The following SEPTIN7 variants were observed in gnomAD, a reference collection of about 807,000 sequenced individuals.
SEPTIN7 encodes septin-7.
SEPTIN7 carries 10 observed loss-of-function variants against 63.3 expected under a neutral mutation model. The observed-to-expected ratio is 0.16, with a 90% CI of 0.10 to 0.27. The LOEUF is 0.27. Among genes scored for constraint, SEPTIN7 ranks in the 10% least tolerant of loss-of-function variants. SEPTIN7 has a pLI of 1.00. For missense variants in SEPTIN7, 310 were observed against 521.0 expected (o/e 0.59, Z 3.94); for synonymous variants, 131 against 165.3 (o/e 0.79, Z 1.59).
chr7:35,898,611 T>G, intron 12 of SEPTIN7: 1 of 357,360 alleles, frequency 2.8e-6, no homozygotes, highest in Non-Finnish European at 5.1e-6. Context: ...TAGGACAGTG[T>G]AATAGAATAC....
intron 6 of SEPTIN7, among the ~76,000 whole-genome samples, chr7:35,876,529 A>T (rs967171336): frequency 3.3e-5 from 5 of 152,216 alleles, no homozygotes; most frequent in Admixed American, 6.5e-5. Context: ...AAAACTTAAA[A>T]TTTTTTTTCA....
chr7:35,880,191 C>CTT (rs1378320696), intron 7 of SEPTIN7, among the ~76,000 whole-genome samples: 6 of 112,600 alleles, frequency 5.3e-5, no homozygotes, highest in African/African-American at 2.0e-4. Flanking sequence ...TTTCTTTTTT[C>CTT]TTTTCTCTTT....
chr7:35,835,056 TG>T (rs1784014348), intron 3 of SEPTIN7, among the ~76,000 whole-genome samples: 1 of 152,116 alleles, frequency 6.6e-6, no homozygotes, highest in Non-Finnish European at 1.5e-5. Flanking sequence ...CTTGCTTGAG[TG>T]ACTTATTTGT....
At chr7:35,830,124 A>T (rs999946115) in intron 1 of SEPTIN7, among the ~76,000 whole-genome samples, 32 of 152,018 alleles carry the variant, frequency 2.1e-4, no homozygotes, top group African/African-American at 7.2e-4. Flanking sequence ...AAGAGGTTGC[A>T]GTGAGCCGAG....
chr7:35,844,020 T>C (rs1784535698), intron 3 of SEPTIN7, among the ~76,000 whole-genome samples: 1 of 152,216 alleles, frequency 6.6e-6, no homozygotes, highest in East Asian at 1.9e-4. Flanking sequence ...ACATAAAGGA[T>C]GAGCTCTTTC....
chr7:35,852,085 G>A (rs1186895494), intron 3 of SEPTIN7, among the ~76,000 whole-genome samples: 3 of 152,118 alleles, frequency 2.0e-5, no homozygotes, highest in Admixed American at 1.3e-4. Flanking sequence ...GTGAGAAAAT[G>A]TGAATAGTAA....
intron 3 of SEPTIN7, among the ~76,000 whole-genome samples, chr7:35,849,592 A>G (rs1784857870): frequency 6.6e-6 from 1 of 152,218 alleles, no homozygotes; most frequent in South Asian, 2.1e-4. Context: ...TCTTTACCAG[A>G]TTAAGTTTAT....
intron 11 of SEPTIN7, among the ~76,000 whole-genome samples, chr7:35,897,182 C>T (rs1406058732): frequency 6.6e-6 from 1 of 152,014 alleles, no homozygotes; most frequent in East Asian, 1.9e-4. Flanking sequence ...TAAAATTTAC[C>T]CATTTAAAAT....
chr7:35,814,968 CCTT>C (rs1399964005), intron 1 of SEPTIN7, among the ~76,000 whole-genome samples: 1 of 126,288 alleles, frequency 7.9e-6, no homozygotes, highest in African/African-American at 3.1e-5. Flanking sequence ...GAGCGAGACT[CCTT>C]CTCAAAAAAA....
chr7:35,903,046 T>C (rs1448565554), intron 12 of SEPTIN7, 30 bp from the exon 13 acceptor site: 3 of 1,522,880 alleles, frequency 2.0e-6, no homozygotes, highest in Non-Finnish European at 1.8e-6. Context: ...TCTTAAATAG[T>C]TTTGTTTTAT....
rs1265135946 is a variant in SEPTIN7 at position 35,860,397 on chromosome 7, A to G, written c.170-3155A>G. 3.3e-5 allele frequency among the ~76,000 whole-genome samples: 5 copies of G among 152,288 alleles called. No individual in the cohort carries two copies. In the South Asian group the frequency reaches 1.0e-3, roughly 32 times the overall value. The stretch of plus-strand genomic sequence containing the variant: ...TGAACTTGCAAACCAAAATTATAAT[A>G]ATACTGGTTTTTATATTTGCCCTTG... On this transcript the variant is annotated intron_variant, in intron 3 of 13. Coordinates refer to ENST00000350320, the MANE Select transcript of SEPTIN7 (RefSeq NM_001788.6).
At chr7:35,804,985 T>C (rs1788240746) in intron 1 of SEPTIN7, among the ~76,000 whole-genome samples, 1 of 151,998 alleles carries the variant, frequency 6.6e-6, no homozygotes, top group Admixed American at 6.6e-5. Context: ...GGATTACAGG[T>C]GCTTGCCTGC....
chr7:35,811,605 G>C (rs768537887), intron 1 of SEPTIN7, among the ~76,000 whole-genome samples: 74 of 152,210 alleles, frequency 4.9e-4, no homozygotes, highest in Non-Finnish European at 9.0e-4. Flanking sequence ...TAAGAGGCGG[G>C]CATGGTGGCA....
chr7:35,853,087 A>G (rs764417704), intron 3 of SEPTIN7, among the ~76,000 whole-genome samples: 3 of 152,104 alleles, frequency 2.0e-5, no homozygotes, highest in Non-Finnish European at 2.9e-5. Context: ...TCCTGTTCTA[A>G]ATTTTTAATT....
chr7:35,828,758 A>G (rs138159485), intron 1 of SEPTIN7, among the ~76,000 whole-genome samples: 5 of 151,934 alleles, frequency 3.3e-5, no homozygotes, highest in Admixed American at 1.3e-4. Flanking sequence ...TCCTAAATCT[A>G]TATTTTCAGC....
At chr7:35,840,876 G>A (rs1464245970) in intron 3 of SEPTIN7, among the ~76,000 whole-genome samples, 1 of 152,156 alleles carries the variant, frequency 6.6e-6, no homozygotes, top group Admixed American at 6.5e-5. Flanking sequence ...AGACTTTACA[G>A]CTAAAAAGCA....
chr7:35,835,181 G>C lies in SEPTIN7; in HGVS notation c.169+2281G>C, dbSNP rs377279059. 6.9e-4 allele frequency among the ~76,000 whole-genome samples: 105 copies of C among 152,114 alleles called. 5 individuals carry two copies. The South Asian group carries it at 0.021, about 30-fold the overall frequency. ...GTCAGTAGAATCATACAAAAGTTAA[G>C]AGCCATAGAAGTTTAAGGGTATAGG... On this transcript the variant is annotated intron_variant, in intron 3 of 13. Coordinates refer to ENST00000350320, the MANE Select transcript of SEPTIN7 (RefSeq NM_001788.6).
intron 6 of SEPTIN7, 32 bp downstream of exon 6, chr7:35,873,807 T>C: frequency 6.2e-7 from 1 of 1,600,778 alleles, no homozygotes; most frequent in Non-Finnish European, 8.5e-7. Flanking sequence ...ATTCCTTTTT[T>C]GTTGTTGTTG....
intron 11 of SEPTIN7, among the ~76,000 whole-genome samples, chr7:35,895,279 A>G (rs764017187): frequency 6.6e-6 from 1 of 152,146 alleles, no homozygotes; most frequent in Non-Finnish European, 1.5e-5. Flanking sequence ...TTTTGTTTCG[A>G]TTTTCTAAAA....
Sources: allele counts gnomAD v4.1 joint callset (sites outside exome capture counted in the v4.1 genomes callset), GRCh38; gene constraint gnomAD v4.1.1; transcripts MANE v1.5; gene names NCBI Gene and HGNC (gene_info 2026-07-23, HGNC 2026-07-21).